Variants in MAST4 observed in about 807,000 individuals in gnomAD.
The protein encoded by MAST4 is microtubule associated serine/threonine kinase family member 4, also known as microtubule-associated serine/threonine-protein kinase 4.
A neutral mutation model predicts 162.7 loss-of-function variants in MAST4; 89 were observed. That is an observed-to-expected ratio of 0.55 (90% CI 0.46 to 0.65). The LOEUF is 0.65. MAST4 is among the 30% of genes least tolerant of loss of function. The probability of loss-of-function intolerance (pLI) is 0.00; values close to 1 mark genes in which losing one functional copy is unlikely to be tolerated. For missense variants in MAST4, 3,153 were observed against 3,374.0 expected (o/e 0.93, Z 1.62); for synonymous variants, 1,479 against 1,361.1 (o/e 1.09, Z -1.91).
At chr5:66,973,305 G>A (rs1325492867) in intron 4 of MAST4, among the ~76,000 whole-genome samples, 1 of 147,192 alleles carries the variant, frequency 6.8e-6, no homozygotes, top group Non-Finnish European at 1.5e-5. Context: ...TTTTTTTTAT[G>A]TCAGAATCCA....
In MAST4 at chr5:66,656,320, C is replaced by T. The variant is rs548293357; in HGVS notation, c.363+59302C>T. The stretch of plus-strand genomic sequence containing the variant: ...CCACATTATCTTCCATAAAATTTGC[C>T]TTCTCTGGCATGTTTTCCTCAGAAA... On this transcript the variant is annotated intron_variant, in intron 1 of 28. Transcript: ENST00000403625. Among the ~76,000 whole-genome samples, 197 of 152,320 alleles carry T rather than the reference C, an allele frequency of 1.3e-3. 2 individuals are homozygous for T. The highest frequency in any genetic ancestry group is 4.6e-3 in the African/African-American group (193 of 41,566).
chr5:66,671,908 G>GA (rs35756975), intron 1 of MAST4, among the ~76,000 whole-genome samples: 7,122 of 152,146 alleles, frequency 0.047, 202 homozygotes, highest in Non-Finnish European at 0.071. Flanking sequence ...TTAAAAATGT[G>GA]AAAAAAATGC....
chr5:66,623,722 A>G (rs952647453), intron 1 of MAST4, among the ~76,000 whole-genome samples: 1 of 152,262 alleles, frequency 6.6e-6, no homozygotes. Flanking sequence ...CAAGGATGCC[A>G]TATGTCATCA....
chr5:66,724,927 C>T (rs1751422512), intron 1 of MAST4, among the ~76,000 whole-genome samples: 1 of 152,064 alleles, frequency 6.6e-6, no homozygotes, highest in Admixed American at 6.6e-5. Context: ...ATTAGGCTCC[C>T]TCTATAGGCC....
At chr5:67,045,569 A>G (rs1295735921) in intron 4 of MAST4, among the ~76,000 whole-genome samples, 1 of 152,236 alleles carries the variant, frequency 6.6e-6, no homozygotes, top group Non-Finnish European at 1.5e-5. Flanking sequence ...AGGTGGTCCC[A>G]CATGATTGTA....
At chr5:66,928,049 G>T (rs1463744414) in intron 4 of MAST4, among the ~76,000 whole-genome samples, 1 of 152,074 alleles carries the variant, frequency 6.6e-6, no homozygotes, top group Non-Finnish European at 1.5e-5. Flanking sequence ...CAGTTATATT[G>T]ATTTAGTGTC....
intron 1 of MAST4, among the ~76,000 whole-genome samples, chr5:66,637,865 C>CA (rs1348060758): frequency 1.3e-5 from 2 of 151,994 alleles, no homozygotes; most frequent in Non-Finnish European, 2.9e-5. Flanking sequence ...CACGTGCCAC[C>CA]ACACCCAGCT....
intron 3 of MAST4, among the ~76,000 whole-genome samples, chr5:66,860,575 T>A (rs1194188179): frequency 6.6e-6 from 1 of 151,712 alleles, no homozygotes; most frequent in Non-Finnish European, 1.5e-5. Flanking sequence ...TGCATAAGAT[T>A]AGCACATTTT....
chr5:66,840,506 A>G (rs1758343995), intron 3 of MAST4, among the ~76,000 whole-genome samples: 1 of 151,846 alleles, frequency 6.6e-6, no homozygotes. Flanking sequence ...AGTGTGATAG[A>G]TTCAATCCTT....
chr5:67,095,497 T>C, intron 6 of MAST4, 100 bp from the exon 7 acceptor site: 3 of 833,900 alleles, frequency 3.6e-6, no homozygotes, highest in Non-Finnish European at 5.7e-6. Context: ...TCACAGACTA[T>C]GTTTGTGTCA....
chr5:66,700,174 C>G (rs1179526017), intron 1 of MAST4, among the ~76,000 whole-genome samples: 1 of 152,074 alleles, frequency 6.6e-6, no homozygotes, highest in African/African-American at 2.4e-5. Flanking sequence ...TTTGTTTTCT[C>G]TATTGGCAGC....
chr5:66,909,691 A>G (rs201003696), intron 4 of MAST4, among the ~76,000 whole-genome samples: 13 of 152,312 alleles, frequency 8.5e-5, no homozygotes, highest in African/African-American at 2.9e-4. Context: ...AGAAACATAG[A>G]TATCAACAAG....
intron 4 of MAST4, among the ~76,000 whole-genome samples, chr5:67,029,535 C>A (rs1206950941): frequency 1.3e-5 from 2 of 152,092 alleles, no homozygotes; most frequent in African/African-American, 4.8e-5. Flanking sequence ...CTGTGTATTT[C>A]ATCTCTAAGA....
Position 66,596,651 on chromosome 5 carries a change from G to A in MAST4, c.-5G>A. On this transcript the variant is annotated 5_prime_UTR_variant, in exon 1 of 29. Transcript: ENST00000403625. ...CTCGGGAGGCACTTTGGGCCAGACA[G>A]GGAAATGGGGGAGAAAGTTTCGGAG... The A allele has an allele frequency of 1.4e-6, 2 of 1,451,290 alleles. No individual in the cohort carries two copies. The highest frequency in any genetic ancestry group is 1.8e-6 in the Non-Finnish European group (2 of 1,105,524). The allele number at this position is 1,451,290 out of a possible 1,614,324, so 89.9% of individuals were successfully genotyped here.
chr5:66,813,218 G>A (rs1319974030), intron 3 of MAST4, among the ~76,000 whole-genome samples: 1 of 152,110 alleles, frequency 6.6e-6, no homozygotes, highest in Non-Finnish European at 1.5e-5. Flanking sequence ...CTATTAAATT[G>A]AAAAAATTGT....
chr5:67,015,712 C>T (rs1030912631), intron 4 of MAST4, among the ~76,000 whole-genome samples: 1 of 152,104 alleles, frequency 6.6e-6, no homozygotes, highest in African/African-American at 2.4e-5. Flanking sequence ...ATTATAAATT[C>T]GGCCAAAAGA....
At chr5:66,823,642 A>G (rs193236136) in intron 3 of MAST4, among the ~76,000 whole-genome samples, 1 of 152,016 alleles carries the variant, frequency 6.6e-6, no homozygotes, top group African/African-American at 2.4e-5. Flanking sequence ...GCCACATCCC[A>G]CTAATTTTTA....
At position 67,114,224 on chromosome 5, in the gene MAST4, G is replaced by A; in HGVS notation, c.1591+5G>A. The A allele has an allele frequency of 6.2e-7, 1 of 1,607,340 alleles. No individual in the cohort carries two copies. The highest frequency in any genetic ancestry group is 1.1e-5 in the South Asian group (1 of 89,832). The stretch of plus-strand genomic sequence containing the variant: ...TCAATAAGGATCCCTTGGAAGGTGA[G>A]TCCCTGGGTTGTTCCTACCTTTGAC... On this transcript the variant is annotated splice_donor_5th_base_variant and intron_variant, in intron 12 of 28. Coordinates refer to ENST00000403625, the MANE Select transcript of MAST4 (RefSeq NM_001164664.2).
At chr5:66,872,749 C>A (rs990231888) in intron 3 of MAST4, among the ~76,000 whole-genome samples, 1 of 152,130 alleles carries the variant, frequency 6.6e-6, no homozygotes, top group Non-Finnish European at 1.5e-5. Flanking sequence ...CAGAGTACGG[C>A]GGGGCCTTCT....
Sources: gnomAD v4.1 joint callset for allele counts (sites outside exome capture counted in the v4.1 genomes callset) on GRCh38, gnomAD v4.1.1 for gene constraint, MANE v1.5 for transcripts, NCBI Gene and HGNC (gene_info 2026-07-23, HGNC 2026-07-21) for gene names.